LHFPL6: variants seen among roughly 807,000 people sequenced by gnomAD.
LHFPL6 encodes LHFPL tetraspan subfamily member 6 protein.
A neutral mutation model predicts 20.6 loss-of-function variants in LHFPL6; 9 were observed. That is an observed-to-expected ratio of 0.44 (90% confidence interval 0.26 to 0.76). The LOEUF (loss-of-function observed/expected upper bound fraction) is 0.76. LHFPL6 is among the 30% of genes least tolerant of loss of function. The probability of loss-of-function intolerance (pLI) is 0.20; values close to 1 mark genes in which losing one functional copy is unlikely to be tolerated. For synonymous variants in LHFPL6, 105 were observed against 98.7 expected, an observed-to-expected ratio of 1.06 and a Z score of -0.38; for missense variants, 218 against 253.5, an observed-to-expected ratio of 0.86 and a Z score of 0.95.
At chr13:39,535,724 A>T (rs942978173) in intron 2 of LHFPL6, among the ~76,000 whole-genome samples, 13 of 152,342 alleles carry the variant, frequency 8.5e-5, no homozygotes, top group South Asian at 6.2e-4. Flanking sequence ...TTATAGCTAA[A>T]TTAAAGCAAA....
intron 2 of LHFPL6, among the ~76,000 whole-genome samples, chr13:39,471,554 A>G (rs1017526474): frequency 6.6e-6 from 1 of 152,186 alleles, no homozygotes; most frequent in African/African-American, 2.4e-5. Flanking sequence ...CAATCCCTCA[A>G]GGAATCTCTG....
At chr13:39,405,780 G>A (rs539264653) in intron 2 of LHFPL6, among the ~76,000 whole-genome samples, 1 of 152,220 alleles carries the variant, frequency 6.6e-6, no homozygotes, top group Non-Finnish European at 1.5e-5. Flanking sequence ...CAGAGACAGA[G>A]TACGCATAAA....
At chr13:39,430,826 C>T (rs1054200957) in intron 2 of LHFPL6, among the ~76,000 whole-genome samples, 5 of 152,172 alleles carry the variant, frequency 3.3e-5, no homozygotes, top group Admixed American at 6.5e-5. Context: ...GTAAAATGGA[C>T]CAATCAGCAG....
chr13:39,557,114 C>A (rs9576855), intron 2 of LHFPL6, among the ~76,000 whole-genome samples: 14,831 of 152,184 alleles, frequency 0.097, 873 homozygotes, highest in East Asian at 0.29. Context: ...GTGTTACTAT[C>A]CAAGACAACA....
chr13:39,546,805 C>T (rs1393891737), intron 2 of LHFPL6, among the ~76,000 whole-genome samples: 2 of 152,036 alleles, frequency 1.3e-5, no homozygotes, highest in African/African-American at 2.4e-5. Flanking sequence ...TTTTTACTGC[C>T]ACAAAGGACT....
At chr13:39,435,039 G>A (rs1279309862) in intron 2 of LHFPL6, among the ~76,000 whole-genome samples, 1 of 132,710 alleles carries the variant, frequency 7.5e-6, no homozygotes, top group Non-Finnish European at 1.5e-5. Flanking sequence ...GTCCGACCTG[G>A]GCGACAGAGC....
At chr13:39,532,453 T>C (rs572131338) in intron 2 of LHFPL6, among the ~76,000 whole-genome samples, 2 of 152,210 alleles carry the variant, frequency 1.3e-5, no homozygotes, top group Non-Finnish European at 2.9e-5. Flanking sequence ...TCAAAGCAGA[T>C]AAAAATGGTT....
At chr13:39,356,046 C>T (rs996542172) in intron 3 of LHFPL6, among the ~76,000 whole-genome samples, 1 of 152,206 alleles carries the variant, frequency 6.6e-6, no homozygotes, top group Non-Finnish European at 1.5e-5. Flanking sequence ...CTAACAGACA[C>T]CTGCAGAATA....
intron 3 of LHFPL6, among the ~76,000 whole-genome samples, chr13:39,366,113 T>C (rs983240028): frequency 5.3e-5 from 8 of 152,140 alleles, no homozygotes; most frequent in African/African-American, 1.7e-4. Context: ...CCAGTACTTG[T>C]TTTAGCTCAC....
intron 2 of LHFPL6, among the ~76,000 whole-genome samples, chr13:39,533,642 A>C (rs1870532231): frequency 6.6e-6 from 1 of 152,182 alleles, no homozygotes; most frequent in African/African-American, 2.4e-5. Context: ...AATGGAAGGG[A>C]GTCCTCCCCA....
intron 2 of LHFPL6, among the ~76,000 whole-genome samples, chr13:39,500,023 A>G (rs1311371740): frequency 6.6e-6 from 1 of 151,664 alleles, no homozygotes; most frequent in Non-Finnish European, 1.5e-5. Context: ...TTTTTTAATC[A>G]AACTCCTCTC....
At chr13:39,523,550 A>G (rs75130923) in intron 2 of LHFPL6, among the ~76,000 whole-genome samples, 6 of 7,924 alleles carry the variant, frequency 7.6e-4, no homozygotes, top group African/African-American at 2.3e-3. Context: ...TCAAAAGGAA[A>G]AAAAAAAAAA....
intron 3 of LHFPL6, among the ~76,000 whole-genome samples, chr13:39,346,235 A>C (rs900600452): frequency 1.2e-4 from 18 of 152,126 alleles, no homozygotes; most frequent in Admixed American, 1.1e-3. Flanking sequence ...ACAGCAGCAA[A>C]ATTTGATCAA....
At chr13:39,589,136 A>G (rs1872533895) in intron 2 of LHFPL6, among the ~76,000 whole-genome samples, 1 of 151,836 alleles carries the variant, frequency 6.6e-6, no homozygotes, top group Admixed American at 6.6e-5. Flanking sequence ...TTTTTTTGAG[A>G]TAGAGTCTTG....
chr13:39,395,188 G>C (rs1049832326), intron 2 of LHFPL6, among the ~76,000 whole-genome samples: 1 of 152,174 alleles, frequency 6.6e-6, no homozygotes, highest in African/African-American at 2.4e-5. Flanking sequence ...TCAGCAGAAT[G>C]AGCAGCTGCT....
rs537891018 is a variant in LHFPL6, at chr13:39,596,801, G to A, written c.385+4031C>T. Reference sequence around the variant, plus strand: ...TTAATATGCCAACACTCATTATTTAGCTTATTACTCAGCTGTCACTTGGCA... The same window carrying A: ...TTAATATGCCAACACTCATTATTTAACTTATTACTCAGCTGTCACTTGGCA... On this transcript the variant is annotated intron_variant, in intron 2 of 3. Coordinates refer to ENST00000379589, the MANE Select transcript of LHFPL6 (RefSeq NM_005780.3). Among the ~76,000 whole-genome samples the A allele has an allele frequency of 3.9e-5, 6 of 152,270 alleles. No homozygotes were observed. In the East Asian group the frequency reaches 1.2e-3, roughly 29 times the overall value.
intron 2 of LHFPL6, among the ~76,000 whole-genome samples, chr13:39,454,565 C>CT (rs1872523640): frequency 3.3e-5 from 1 of 30,662 alleles, no homozygotes. Context: ...GGAGGCGGAG[C>CT]TTACAGTGAG....
At chr13:39,595,395 C>T (rs1390675382) in intron 2 of LHFPL6, among the ~76,000 whole-genome samples, 1 of 152,098 alleles carries the variant, frequency 6.6e-6, no homozygotes, top group East Asian at 1.9e-4. Context: ...TGGGTTCAAG[C>T]GATTCTCATG....
intron 2 of LHFPL6, among the ~76,000 whole-genome samples, chr13:39,383,197 A>G (rs1178629790): frequency 6.6e-6 from 1 of 152,188 alleles, no homozygotes; most frequent in Non-Finnish European, 1.5e-5. Context: ...ACACAACTCC[A>G]TCATATAGTC....
Sources: allele counts gnomAD v4.1 joint callset (sites outside exome capture counted in the v4.1 genomes callset), GRCh38; gene constraint gnomAD v4.1.1; transcripts MANE v1.5; gene names NCBI Gene and HGNC (gene_info 2026-07-23, HGNC 2026-07-21).